Variants in GALNTL6 observed in about 807,000 individuals in gnomAD.
The protein encoded by GALNTL6 is polypeptide N-acetylgalactosaminyltransferase-like 6.
Under a neutral mutation model 73.7 loss-of-function variants are expected in GALNTL6, and 46 were observed. The observed-to-expected ratio is 0.62, with a 90% confidence interval of 0.49 to 0.80. GALNTL6 has a LOEUF of 0.80. Ranked by LOEUF, GALNTL6 falls within the 30% of genes least tolerant of loss-of-function variation. GALNTL6 has a pLI of 0.00. For missense variants in GALNTL6, 604 were observed against 755.0 expected (o/e 0.80, Z 2.34); for synonymous variants, 259 against 263.7 (o/e 0.98, Z 0.17).
rs540624618 is a variant in GALNTL6 at position 171,855,154 on chromosome 4, T to C, written c.138+40436T>C. 1.8e-4 allele frequency among the ~76,000 whole-genome samples: 27 copies of C among 152,344 alleles called. 2 individuals carry two copies. In the South Asian group the frequency reaches 5.4e-3, roughly 30 times the overall value. On this transcript the variant is annotated intron_variant, in intron 2 of 12. Coordinates refer to ENST00000506823, the MANE Select transcript of GALNTL6 (RefSeq NM_001034845.3). ...AATGTGCATAGATTTCATTAGAGTTTACTCTTTGTGTTGTAGAATCTATGG... is the reference window on the plus strand; with the variant it reads ...AATGTGCATAGATTTCATTAGAGTTCACTCTTTGTGTTGTAGAATCTATGG...
chr4:171,889,711 A>C (rs935770966), intron 2 of GALNTL6, among the ~76,000 whole-genome samples: 3 of 152,082 alleles, frequency 2.0e-5, no homozygotes, highest in African/African-American at 7.2e-5. Context: ...AAAGATGACA[A>C]ACTTTCTTGT....
intron 5 of GALNTL6, among the ~76,000 whole-genome samples, chr4:172,517,061 T>C (rs1289702057): frequency 1.3e-5 from 2 of 152,126 alleles, no homozygotes; most frequent in Non-Finnish European, 1.5e-5. Flanking sequence ...ATTTAATGGA[T>C]ACTGAGTTTC....
intron 5 of GALNTL6, among the ~76,000 whole-genome samples, chr4:172,749,391 C>T (rs966772280): frequency 6.6e-6 from 1 of 151,998 alleles, no homozygotes; most frequent in Non-Finnish European, 1.5e-5. Context: ...AAAATTTTTT[C>T]AGCTAACCAA....
At position 172,997,655 on chromosome 4, in the gene GALNTL6, G is replaced by A. The variant is rs1049808735; in HGVS notation, c.1372-11523G>A. Among the ~76,000 whole-genome samples the A allele has an allele frequency of 3.3e-5, 5 of 152,166 alleles. 1 individual carries two copies. Among genetic ancestry groups the A allele is most frequent in the East Asian group, 3.9e-4 (2 of 5,192 alleles). ...TGGGAAGGGTGAGTGGGGGCAGGGGGAAGGGTGAAGAGATGTGGATTAAAG... is the reference window on the plus strand; with the variant it reads ...TGGGAAGGGTGAGTGGGGGCAGGGGAAAGGGTGAAGAGATGTGGATTAAAG... On this transcript the variant is annotated intron_variant, in intron 10 of 12. Transcript: ENST00000506823.
chr4:172,037,787 G>A (rs1208929308), intron 2 of GALNTL6, among the ~76,000 whole-genome samples: 1 of 152,070 alleles, frequency 6.6e-6, no homozygotes, highest in African/African-American at 2.4e-5. Flanking sequence ...AAATTAGTTT[G>A]TTTCTGAAAG....
At chr4:172,688,948 C>T (rs1733095231) in intron 5 of GALNTL6, among the ~76,000 whole-genome samples, 1 of 152,244 alleles carries the variant, frequency 6.6e-6, no homozygotes, top group Non-Finnish European at 1.5e-5. Context: ...CTCATTTTTT[C>T]CCAACTCCCT....
rs1579180908 is a variant in GALNTL6, at chr4:172,143,857, TG to T, written c.139-85795del. On this transcript the variant is annotated intron_variant, in intron 2 of 12. Coordinates refer to ENST00000506823, the MANE Select transcript of GALNTL6 (RefSeq NM_001034845.3). The stretch of plus-strand genomic sequence containing the variant: ...GTTATCTTATCTTCTTTTTTTCCCT[TG>T]GGGCTTCCATAGGTCTAAGGTTGGG... Among the ~76,000 whole-genome samples, 3 of 152,278 alleles carry T rather than the reference TG, an allele frequency of 2.0e-5. No individual in the cohort carries two copies. The East Asian group carries it at 5.8e-4, about 29-fold the overall frequency.
Position 172,882,796 on chromosome 4 carries a change from T to G in GALNTL6, c.930T>G (p.Pro310=), listed in dbSNP as rs767324231. The G allele has an allele frequency of 4.2e-5, 68 of 1,600,762 alleles. No individual in the cohort carries two copies. Among genetic ancestry groups the G allele is most frequent in the Non-Finnish European group, 5.6e-5 (66 of 1,168,156 alleles). ...RADPSDPFES[P]VMAGGLFAVD... is the part of the protein sequence containing the mutation. ...TATTTTGTTCATTTCACAGGTCTCC[T>G]GTTATGGCTGGAGGTCTCTTTGCTG... Residue 310 remains proline (P), a synonymous_variant, in exon 8 of 13, where the codon CCT becomes CCG. Transcript: ENST00000506823.
intron 5 of GALNTL6, chr4:172,669,307 A>G (rs1731842204): frequency 6.6e-6 from 1 of 152,188 alleles, no homozygotes; most frequent in East Asian, 1.9e-4. Flanking sequence ...ACTTTTATCC[A>G]CTGAGATAGT....
At chr4:172,968,449 T>C (rs1185788791) in intron 10 of GALNTL6, among the ~76,000 whole-genome samples, 1 of 152,128 alleles carries the variant, frequency 6.6e-6, no homozygotes, top group Non-Finnish European at 1.5e-5. Context: ...ACCCTGCATA[T>C]ATCTGAGAAA....
At chr4:172,783,874 T>G (rs771556563) in intron 5 of GALNTL6, among the ~76,000 whole-genome samples, 15 of 152,136 alleles carry the variant, frequency 9.9e-5, no homozygotes, top group Non-Finnish European at 2.2e-4. Context: ...TTCTTTTAAA[T>G]CTTTTGACAT....
At chr4:172,064,167 T>G (rs1182810221) in intron 2 of GALNTL6, among the ~76,000 whole-genome samples, 1 of 152,232 alleles carries the variant, frequency 6.6e-6, no homozygotes, top group Non-Finnish European at 1.5e-5. Context: ...ATATTAAATT[T>G]TGTAGACATT....
chr4:172,321,991 T>G (rs939132979), intron 4 of GALNTL6, among the ~76,000 whole-genome samples: 1 of 152,040 alleles, frequency 6.6e-6, no homozygotes, highest in African/African-American at 2.4e-5. Context: ...AGAGGCAAAA[T>G]GGTGGAGTTT....
chr4:172,499,234 G>T (rs1044718358), intron 5 of GALNTL6, among the ~76,000 whole-genome samples: 1 of 152,146 alleles, frequency 6.6e-6, no homozygotes, highest in African/African-American at 2.4e-5. Context: ...ACTGGAGGTG[G>T]TGCTTTGGGG....
At chr4:171,995,219 A>T (rs994774823) in intron 2 of GALNTL6, among the ~76,000 whole-genome samples, 1 of 152,018 alleles carries the variant, frequency 6.6e-6, no homozygotes, top group Non-Finnish European at 1.5e-5. Context: ...AAATAGAAAG[A>T]ATATCAACCA....
At chr4:173,010,795 CAG>C (rs1752517456) in intron 11 of GALNTL6, among the ~76,000 whole-genome samples, 1 of 146,160 alleles carries the variant, frequency 6.8e-6, no homozygotes, top group Admixed American at 7.0e-5. Flanking sequence ...TTAGTAGAGA[CAG>C]GGGTTCACCA....
chr4:171,825,971 T>C (rs1385322751), intron 2 of GALNTL6, among the ~76,000 whole-genome samples: 1 of 152,192 alleles, frequency 6.6e-6, no homozygotes, highest in African/African-American at 2.4e-5. Context: ...CTGGGACCTG[T>C]CAGTTTATTC....
chr4:172,684,327 T>C (rs1363838409), intron 5 of GALNTL6, among the ~76,000 whole-genome samples: 5 of 152,218 alleles, frequency 3.3e-5, no homozygotes, highest in Non-Finnish European at 7.3e-5. Context: ...TATGTTCATT[T>C]AGGCAATTAA....
intron 11 of GALNTL6, among the ~76,000 whole-genome samples, chr4:173,020,596 A>T (rs1752952200): frequency 6.6e-6 from 1 of 152,164 alleles, no homozygotes; most frequent in Admixed American, 6.5e-5. Context: ...CCCTAGGGAA[A>T]TTAATTGGCC....
Sources: gnomAD v4.1 joint callset for allele counts (sites outside exome capture counted in the v4.1 genomes callset) on GRCh38, gnomAD v4.1.1 for gene constraint, MANE v1.5 for transcripts, NCBI Gene and HGNC (gene_info 2026-07-23, HGNC 2026-07-21) for gene names.